GDF5: variants seen among roughly 807,000 people sequenced by gnomAD.
The protein encoded by GDF5 is growth/differentiation factor 5.
A neutral mutation model predicts 34.6 loss-of-function variants in GDF5; 17 were observed. The ratio of observed to expected loss-of-function variants is 0.49; its 90% confidence interval spans 0.34 to 0.74. The LOEUF (loss-of-function observed/expected upper bound fraction) is 0.74, where lower values mean the gene tolerates loss of function less well. Ranked by LOEUF, GDF5 falls within the 30% of genes least tolerant of loss-of-function variation. The pLI is 0.01. For missense variants in GDF5, 616 were observed against 661.2 expected (o/e 0.93, Z 0.75); for synonymous variants, 332 against 290.7 (o/e 1.14, Z -1.44).
intron 1 of GDF5, among the ~76,000 whole-genome samples, chr20:35,444,299 G>A (rs1260044929): frequency 1.3e-5 from 2 of 152,194 alleles, no homozygotes; most frequent in South Asian, 2.1e-4. Context: ...GGGTCAAAGA[G>A]GTGTCTATTT....
At chr20:35,450,121 G>A (rs2062526028) in intron 1 of GDF5, among the ~76,000 whole-genome samples, 1 of 151,274 alleles carries the variant, frequency 6.6e-6, no homozygotes, top group African/African-American at 2.4e-5. Flanking sequence ...TCGCTAACAT[G>A]GTGAAACCCC....
chr20:35,448,926 G>A (rs2062522448), intron 1 of GDF5, among the ~76,000 whole-genome samples: 1 of 152,188 alleles, frequency 6.6e-6, no homozygotes. Flanking sequence ...ACTGGAATAA[G>A]AACTGCCTAC....
intron 1 of GDF5, among the ~76,000 whole-genome samples, chr20:35,451,070 T>TATATATATATATAA (rs2062531043): frequency 2.9e-5 from 1 of 34,800 alleles, no homozygotes; most frequent in Non-Finnish European, 4.8e-5. Context: ...AAAAAATATA[T>TATATATATATATAA]ATATATATAT....
Position 35,437,752 on chromosome 20 carries a change from C to T in GDF5, c.177G>A (p.Arg59=). 6.2e-7 allele frequency: 1 copy of T among 1,612,972 alleles called. No homozygotes were observed. Among genetic ancestry groups the T allele is most frequent in the South Asian group, 1.1e-5 (1 of 90,942 alleles). Residue 59 remains arginine (R), a synonymous_variant, in exon 1 of 2, where the codon AGG becomes AGA. Coordinates refer to ENST00000374369, the MANE Select transcript of GDF5 (RefSeq NM_000557.5). ...ERPPLARNVF[R]PGGHSYGGGA... ...CCCCACCATAGCTGTGACCCCCTGG[C>T]CTGAAGACGTTCCGGGCCAGGGGGG... is the stretch of plus-strand genomic sequence containing the variant.
chr20:35,448,448 C>CTTTTTTTTTTTTTTT, intron 1 of GDF5, among the ~76,000 whole-genome samples: 1 of 86,748 alleles, frequency 1.2e-5, no homozygotes, highest in Non-Finnish European at 1.9e-5. Context: ...GCCCCCCCGA[C>CTTTTTTTTTTTTTTT]TTTTTTTTTT....
At chr20:35,449,116 C>T (rs1449652008) in intron 1 of GDF5, among the ~76,000 whole-genome samples, 18 of 152,104 alleles carry the variant, frequency 1.2e-4, no homozygotes, top group Non-Finnish European at 1.5e-5. Flanking sequence ...TCCCCGCCAC[C>T]ACCCCACCCC....
intron 1 of GDF5, among the ~76,000 whole-genome samples, chr20:35,445,212 T>C (rs1232639174): frequency 2.0e-5 from 3 of 152,132 alleles, no homozygotes; most frequent in South Asian, 4.1e-4. Context: ...ATGTATAAAA[T>C]GGGAATAATA....
At chr20:35,448,411 A>ATATAT (rs34224925) in intron 1 of GDF5, among the ~76,000 whole-genome samples, 1 of 119,872 alleles carries the variant, frequency 8.3e-6, no homozygotes, top group African/African-American at 3.1e-5. Context: ...AAAAAAAAAA[A>ATATAT]AAATATATAT....
In GDF5 at chr20:35,434,317, A is replaced by T; in HGVS notation, c.1098T>A (p.Asp366Glu). 1 of 1,613,990 alleles carries T rather than the reference A, an allele frequency of 6.2e-7. No homozygotes were observed. The highest frequency in any genetic ancestry group is 8.5e-7 in the Non-Finnish European group (1 of 1,180,008). ...TGAACAGGTACTCATACACGGTCTT[A>T]TCGTCCTGGCCAGAGCGGGCCTTAA... ...NEIKARSGQD[D>E]KTVYEYLFSQ... Residue 366 changes from aspartate (D) to glutamate (E), a missense_variant, in exon 2 of 2, where the codon GAT becomes GAA. Transcript: ENST00000374369.
chr20:35,434,412 G>A lies in GDF5; in HGVS notation c.1003C>T (p.Gln335Ter). The stretch of plus-strand genomic sequence containing the variant: ...AGGAACAGGGCTTTCTCGTGGACCT[G>A]CCGGGCGGCGCGGTCGAAGCCCAGG... ...RGLGFDRAAR[Q>*]VHEKALFLVF... The change falls in exon 2 of 2, where the codon CAG becomes TAG. Residue 335 changes from glutamine (Q) to a stop codon, truncating the protein, a stop_gained. Transcript: ENST00000374369. LOFTEE classifies it high-confidence loss of function. The A allele has an allele frequency of 6.2e-7, 1 of 1,613,588 alleles. No homozygotes were observed. Among genetic ancestry groups the A allele is most frequent in the Non-Finnish European group, 8.5e-7 (1 of 1,179,902 alleles).
rs6120943 is a variant in GDF5, at chr20:35,437,278, C to T, written c.631+20G>A. 2 of 1,572,992 alleles carry T rather than the reference C, an allele frequency of 1.3e-6. No individual in the cohort carries two copies. The highest frequency in any genetic ancestry group is 1.7e-6 in the Non-Finnish European group (2 of 1,146,542). Reference sequence around the variant, plus strand: ...ATGCCCCTCCCTCTGAGCCGTGCCCCTGCCACCCCGCCCCCTCACCTTGCC... The same window carrying T: ...ATGCCCCTCCCTCTGAGCCGTGCCCTTGCCACCCCGCCCCCTCACCTTGCC... On this transcript the variant is annotated intron_variant, in intron 1 of 1. Coordinates refer to ENST00000374369, the MANE Select transcript of GDF5 (RefSeq NM_000557.5).
At chr20:35,435,451 A>G (rs956214768) in intron 1 of GDF5, 1 of 3,182 alleles carries the variant, frequency 3.1e-4, no homozygotes, top group South Asian at 8.8e-3. Flanking sequence ...GACCCTGGCT[A>G]AAAAAAAAAA....
chr20:35,437,213 G>C (rs2062475744), intron 1 of GDF5, 85 bp downstream of exon 1: 1 of 977,316 alleles, frequency 1.0e-6, no homozygotes, highest in African/African-American at 1.6e-5. Context: ...TCTCCCACCA[G>C]GGCAGTGCCA....
upstream of GDF5, among the ~76,000 whole-genome samples, chr20:35,439,579 T>G (rs2062490780): frequency 6.6e-6 from 1 of 152,178 alleles, no homozygotes; most frequent in African/African-American, 2.4e-5. Context: ...GAATTCCAGC[T>G]GAACTCAAGG....
chr20:35,435,450 TAAAAAAAAAAAAAAAAAAAAAAAAAAAA>T (rs398035630), intron 1 of GDF5: 13 of 26,976 alleles, frequency 4.8e-4, no homozygotes, highest in East Asian at 1.4e-3. Flanking sequence ...AGACCCTGGC[TAAAAAAAAAAAAAAAAAAAAAAAAAAAA>T]AAAAAAAAAA....
rs746294424 is a variant in GDF5 at position 35,437,686 on chromosome 20, C to T, written c.243G>A (p.Gly81=). 1.2e-5 allele frequency: 19 copies of T among 1,613,952 alleles called. No homozygotes were observed. The East Asian group carries it at 1.8e-4, about 15-fold the overall frequency. ...NANARAKGGT[G]QTGGLTQPKK... ...TGGGCTGTGTCAGGCCTCCTGTCTG[C>T]CCGGTGCCTCCCTTTGCCCTGGCAT... is the stretch of plus-strand genomic sequence containing the variant. Residue 81 remains glycine, a synonymous_variant, in exon 1 of 2, where the codon GGG becomes GGA. Transcript: ENST00000374369.
chr20:35,433,953 T>C lies in GDF5; in HGVS notation c.1462A>G (p.Lys488Glu), dbSNP rs1465909815. The change falls in exon 2 of 2, where the codon AAG becomes GAG. Residue 488 changes from lysine (K) to glutamate (E), a missense_variant. Physicochemically the swap from Lys to Glu is moderately conservative, Grantham distance 56. Transcript: ENST00000374369. ...TCCACGACCATGTCCTCATACTGCT[T>C]ATACACCACGTTGTTGGCAGAGTCA... ...FIDSANNVVYKQYEDMVVESC... is the reference protein window; with the variant it reads ...FIDSANNVVYEQYEDMVVESC... The C allele has an allele frequency of 6.2e-7, 1 of 1,614,072 alleles. No individual in the cohort carries two copies. The highest frequency in any genetic ancestry group is 8.5e-7 in the Non-Finnish European group (1 of 1,179,950).
Position 35,434,008 on chromosome 20 carries a change from C to T in GDF5, c.1407G>A (p.Thr469=), listed in dbSNP as rs774238480. The T allele has an allele frequency of 7.4e-6, 12 of 1,613,874 alleles. No individual in the cohort carries two copies. The Admixed American group carries it at 8.3e-5, about 11-fold the overall frequency. ...ESTPPTCCVP[T]RLSPISILFI... ...AGAGGATGCTGATGGGACTCAGCCG[C>T]GTGGGCACACAGCAGGTGGGTGGTG... is the stretch of plus-strand genomic sequence containing the variant. Residue 469 remains threonine, a synonymous_variant, in exon 2 of 2, where the codon ACG becomes ACA. Coordinates refer to ENST00000374369, the MANE Select transcript of GDF5 (RefSeq NM_000557.5).
chr20:35,447,498 G>A (rs975339506), intron 1 of GDF5, among the ~76,000 whole-genome samples: 2 of 152,152 alleles, frequency 1.3e-5, no homozygotes, highest in Admixed American at 6.6e-5. Flanking sequence ...ACAATCTGAA[G>A]CTGGAAATTG....
Sources: gnomAD v4.1 joint callset for allele counts (sites outside exome capture counted in the v4.1 genomes callset) on GRCh38, gnomAD v4.1.1 for gene constraint, MANE v1.5 for transcripts, NCBI Gene and HGNC (gene_info 2026-07-23, HGNC 2026-07-21) for gene names.